The following PCDHGA6 variants were observed in gnomAD, a reference collection of about 807,000 sequenced individuals.
The protein encoded by PCDHGA6 is protocadherin gamma subfamily A, 6.
Under a neutral mutation model 60.6 loss-of-function variants are expected in PCDHGA6, and 41 were observed. That is an observed-to-expected ratio of 0.68 (90% CI 0.53 to 0.88). PCDHGA6 has a LOEUF of 0.88. Among genes scored for constraint, PCDHGA6 ranks in the 40% least tolerant of loss-of-function variants. The pLI is 0.00. For synonymous variants in PCDHGA6, 594 were observed against 524.4 expected (o/e 1.13, Z -1.81); for missense variants, 1,312 against 1,203.0 (o/e 1.09, Z -1.34).
chr5:141,393,115 G>C (rs1342924521), intron 1 of PCDHGA6: 42 of 1,613,320 alleles, frequency 2.6e-5, no homozygotes, highest in Non-Finnish European at 3.6e-5. Context: ...CAGAGCCCGC[G>C]GTGTCTGATA....
chr5:141,449,936 T>C (rs1016569958), intron 1 of PCDHGA6, among the ~76,000 whole-genome samples: 4 of 151,978 alleles, frequency 2.6e-5, no homozygotes, highest in African/African-American at 9.6e-5. Context: ...CCTTATAGTA[T>C]ATTTTACTAT....
intron 1 of PCDHGA6, among the ~76,000 whole-genome samples, chr5:141,461,366 A>G (rs1186381077): frequency 6.6e-6 from 1 of 151,964 alleles, no homozygotes; most frequent in Non-Finnish European, 1.5e-5. Flanking sequence ...TTGTGGTTTT[A>G]ATTTGCATTT....
At chr5:141,382,732 G>A in intron 1 of PCDHGA6, 1 of 562,814 alleles carries the variant, frequency 1.8e-6, no homozygotes, top group African/African-American at 1.9e-5. Context: ...TTACAGCACA[G>A]AGAAACGACA....
intron 1 of PCDHGA6, chr5:141,422,152 G>A (rs979405624): frequency 1.3e-5 from 20 of 1,575,764 alleles, no homozygotes; most frequent in Non-Finnish European, 1.5e-5. Flanking sequence ...GGGGTCTCTG[G>A]ATTTTGAAAA....
In PCDHGA6 at chr5:141,476,585, G is replaced by C; in HGVS notation, c.2425-18222G>C. 6.2e-7 allele frequency: 1 copy of C among 1,614,214 alleles called. No homozygotes were observed. The highest frequency in any genetic ancestry group is 8.5e-7 in the Non-Finnish European group (1 of 1,180,040). On this transcript the variant is annotated intron_variant, in intron 1 of 3. Coordinates refer to ENST00000517434, the MANE Select transcript of PCDHGA6 (RefSeq NM_018919.3). The surrounding 1 kb of genome is among the most constrained non-coding windows in gnomAD (Gnocchi z 7.6). ...GGCTCCGGGGACGCGCTTTCCGCTC[G>C]AGAGCGCGCACGATCCCGATGTGGG...
At chr5:141,478,794 G>A in intron 1 of PCDHGA6, 1 of 1,468,126 alleles carries the variant, frequency 6.8e-7, no homozygotes, top group Non-Finnish European at 9.0e-7. Flanking sequence ...CACATCCTCA[G>A]CACTCTTTTG....
intron 1 of PCDHGA6, chr5:141,422,970 C>T (rs1348343583): frequency 1.2e-6 from 2 of 1,614,246 alleles, no homozygotes; most frequent in East Asian, 2.2e-5. Flanking sequence ...TGGCGCCCCG[C>T]TCTGCGGAAC....
At chr5:141,405,359 GAC>G in intron 1 of PCDHGA6, 1 of 1,614,018 alleles carries the variant, frequency 6.2e-7, no homozygotes, top group Admixed American at 1.7e-5. Context: ...TCCTATAGAA[GAC>G]ACCCCTTTGG....
intron 1 of PCDHGA6, among the ~76,000 whole-genome samples, chr5:141,447,632 T>G (rs931349669): frequency 9.2e-5 from 14 of 152,160 alleles, no homozygotes; most frequent in Non-Finnish European, 2.1e-4. Flanking sequence ...ACCAACAGTA[T>G]GAATGATGGT....
intron 1 of PCDHGA6, chr5:141,412,746 C>T (rs2095574250): frequency 6.5e-6 from 1 of 154,106 alleles, no homozygotes; most frequent in Non-Finnish European, 1.4e-5. Context: ...ATATATTTAA[C>T]CAAACATTAT....
chr5:141,418,282 A>C, intron 1 of PCDHGA6: 1 of 1,614,030 alleles, frequency 6.2e-7, no homozygotes, highest in Non-Finnish European at 8.5e-7. Flanking sequence ...TAAACTTAGA[A>C]ATCAGTGAAT....
intron 1 of PCDHGA6, chr5:141,423,007 G>C (rs772337723): frequency 1.9e-6 from 3 of 1,614,242 alleles, no homozygotes; most frequent in Non-Finnish European, 2.5e-6. Flanking sequence ...CAAGGTGGTT[G>C]CGGTGGACAA....
Position 141,502,866 on chromosome 5 carries a change from C to CTTTTTTTTTTTTTT in PCDHGA6, c.2484-2526_2484-2513dup, listed in dbSNP as rs549047197. Among the ~76,000 whole-genome samples the CTTTTTTTTTTTTTT allele has an allele frequency of 1.6e-4, 20 of 128,024 alleles. 4 individuals are homozygous for CTTTTTTTTTTTTTT. The highest frequency in any genetic ancestry group is 2.6e-4 in the Admixed American group (3 of 11,660). 84.0% of individuals were successfully genotyped at this position (128,024 alleles called of 152,430 possible). A position where few individuals can be genotyped will look rare whatever the true frequency, so the allele number is the denominator to read the frequency against. The stretch of plus-strand genomic sequence containing the variant: ...GAGCTGCCTAACCCTGACTCTCTGT[C>CTTTTTTTTTTTTTT]TTTTTTTTTTTTTTGACAGGGAGTC... On this transcript the variant is annotated intron_variant, in intron 2 of 3. Transcript: ENST00000517434.
intron 1 of PCDHGA6, chr5:141,402,998 C>G: frequency 6.2e-7 from 1 of 1,613,908 alleles, no homozygotes; most frequent in Non-Finnish European, 8.5e-7. Context: ...ATTAGTCCTG[C>G]TATGCTCGCT....
chr5:141,415,890 C>A lies in PCDHGA6; in HGVS notation c.2424+39383C>A, dbSNP rs2095969500. The A allele has an allele frequency of 9.7e-6, 9 of 931,410 alleles. No homozygotes were observed. In the South Asian group the frequency reaches 2.3e-4, roughly 24 times the overall value. 57.7% of individuals were successfully genotyped at this position (931,410 alleles called of 1,614,324 possible). On this transcript the variant is annotated intron_variant, in intron 1 of 3. Coordinates refer to ENST00000517434, the MANE Select transcript of PCDHGA6 (RefSeq NM_018919.3). Reference sequence around the variant, plus strand: ...GTTGTTGAGTACAATATTGACAATTCCTAAGACAGACTTCCATACAGAAGT... The same window carrying A: ...GTTGTTGAGTACAATATTGACAATTACTAAGACAGACTTCCATACAGAAGT...
At chr5:141,387,877 C>T in intron 1 of PCDHGA6, 1 of 1,585,868 alleles carries the variant, frequency 6.3e-7, no homozygotes, top group Non-Finnish European at 8.6e-7. Flanking sequence ...CTGAGGAGAG[C>T]AAGAGGGATG....
At position 141,486,449 on chromosome 5, in the gene PCDHGA6, A is replaced by G; in HGVS notation, c.2425-8358A>G. On this transcript the variant is annotated intron_variant, in intron 1 of 3. Coordinates refer to ENST00000517434, the MANE Select transcript of PCDHGA6 (RefSeq NM_018919.3). The surrounding 1 kb of genome is among the most constrained non-coding windows in gnomAD (Gnocchi z 5.0). The stretch of plus-strand genomic sequence containing the variant: ...CAAATCTAGCTATGACATCATGGTC[A>G]CTGCTTCTGATGCTGGGAACCCTCC... The G allele has an allele frequency of 6.2e-7, 1 of 1,614,184 alleles. No homozygotes were observed. Among genetic ancestry groups the G allele is most frequent in the Non-Finnish European group, 8.5e-7 (1 of 1,180,000 alleles).
At chr5:141,480,625 G>A (rs1041569361) in intron 1 of PCDHGA6, among the ~76,000 whole-genome samples, 2 of 152,070 alleles carry the variant, frequency 1.3e-5, no homozygotes, top group Non-Finnish European at 2.9e-5. Flanking sequence ...ATTTTCCCTA[G>A]AACAATGTTT....
chr5:141,417,805 G>T, intron 1 of PCDHGA6: 1 of 1,499,292 alleles, frequency 6.7e-7, no homozygotes. Flanking sequence ...TAGCGCGGTA[G>T]AGTGCACTTT....
Sources: gnomAD v4.1 joint callset for allele counts (sites outside exome capture counted in the v4.1 genomes callset) on GRCh38, gnomAD v4.1.1 for gene constraint, Gnocchi (gnomAD v3.1) non-coding constraint, MANE v1.5 for transcripts, NCBI Gene and HGNC (gene_info 2026-07-23, HGNC 2026-07-21) for gene names.